Variants in POT1 observed in about 807,000 individuals in gnomAD.
POT1 encodes the protein protection of telomeres 1.
POT1 carries 47 observed loss-of-function variants against 78.5 expected under a neutral mutation model. The observed-to-expected ratio is 0.60, with a 90% CI of 0.47 to 0.76. The LOEUF is 0.76. POT1 is among the 30% of genes least tolerant of loss of function. The pLI is 0.00. For missense variants in POT1, 646 were observed against 749.9 expected (o/e 0.86, Z 1.62); for synonymous variants, 259 against 260.7 (o/e 0.99, Z 0.06).
chr7:124,835,277 A>G lies in POT1; in HGVS notation c.1505+2T>C. On this transcript the variant is annotated splice_donor_variant, in intron 15 of 18. Transcript: ENST00000357628. LOFTEE classifies it high-confidence loss of function. ...AAAACAAAACAAAACAAAACAAAATACCCATAGTGATGTATTGTTCCTTGT... is the reference window on the plus strand; with the variant it reads ...AAAACAAAACAAAACAAAACAAAATGCCCATAGTGATGTATTGTTCCTTGT... 2 of 1,612,784 alleles carry G rather than the reference A, an allele frequency of 1.2e-6. No homozygotes were observed. The highest frequency in any genetic ancestry group is 1.7e-6 in the Non-Finnish European group (2 of 1,179,458).
chr7:124,841,226 G>C (rs751799131), intron 13 of POT1, 48 bp from the exon 14 acceptor site: 2 of 1,430,166 alleles, frequency 1.4e-6, no homozygotes, highest in Non-Finnish European at 1.9e-6. Flanking sequence ...TGGTGTAAGC[G>C]TGAAGATTTC....
chr7:124,868,221 G>C (rs1036080090), intron 7 of POT1, among the ~76,000 whole-genome samples: 1 of 152,062 alleles, frequency 6.6e-6, no homozygotes, highest in Non-Finnish European at 1.5e-5. Context: ...AAGACAACAG[G>C]GCGATTCAAA....
At chr7:124,878,154 A>T (rs1461917181) in intron 6 of POT1, among the ~76,000 whole-genome samples, 1 of 152,016 alleles carries the variant, frequency 6.6e-6, no homozygotes, top group Non-Finnish European at 1.5e-5. Flanking sequence ...AACATGGCGA[A>T]ATCTCATCTC....
Position 124,829,314 on chromosome 7 carries a change from T to C in POT1, c.1534A>G (p.Ile512Val), listed in dbSNP as rs1179111946. Residue 512 changes from isoleucine (I) to valine (V), a missense_variant, in exon 16 of 19, where the codon ATA becomes GTA. Physicochemically the swap from Ile to Val is conservative, Grantham distance 29. This residue lies in a region of POT1 where 394 missense variants were observed against 408.4 expected (regional missense o/e 0.96). Coordinates refer to ENST00000357628, the MANE Select transcript of POT1 (RefSeq NM_015450.3). ...GCKQCSSLRSIQNLNSLVDKT... is the reference protein window; with the variant it reads ...GCKQCSSLRSVQNLNSLVDKT... ...TCAACCAGGGAATTTAGATTTTGTA[T>C]GGATCTCAAACTAGAACACTGTTTA... is the stretch of plus-strand genomic sequence containing the variant. 2 of 1,599,342 alleles carry C rather than the reference T, an allele frequency of 1.3e-6. No homozygotes were observed. The highest frequency in any genetic ancestry group is 1.1e-5 in the South Asian group (1 of 90,670).
intron 3 of POT1, among the ~76,000 whole-genome samples, chr7:124,911,064 T>C (rs1397738874): frequency 2.6e-5 from 4 of 152,226 alleles, no homozygotes; most frequent in East Asian, 1.9e-4. Flanking sequence ...CTGACATTTA[T>C]TTAACATTCA....
Position 124,825,262 on chromosome 7 carries a change from T to A in POT1, c.1782A>T (p.Gly594=), listed in dbSNP as rs751661236. The stretch of plus-strand genomic sequence containing the variant: ...AATATTCTTGCCTACCAATTTTTAT[T>A]CCTGGAGGACAAAACATATCCATGA... ...DMIMDMFCPP[G]IKIDAYPWLE... is the part of the protein sequence containing the mutation. Residue 594 remains glycine (G), a synonymous_variant, in exon 18 of 19, where the codon GGA becomes GGT. Transcript: ENST00000357628. 1 of 1,605,044 alleles carries A rather than the reference T, an allele frequency of 6.2e-7. No individual in the cohort carries two copies. Among genetic ancestry groups the A allele is most frequent in the Non-Finnish European group, 8.5e-7 (1 of 1,175,074 alleles).
Position 124,826,900 on chromosome 7 carries a change from A to AAAC in POT1, c.1686+313_1686+314insGTT, listed in dbSNP as rs543839030. 2.4e-3 allele frequency among the ~76,000 whole-genome samples: 359 copies of AAAC among 148,188 alleles called. 2 individuals are homozygous for AAAC. The highest frequency in any genetic ancestry group is 8.3e-3 in the African/African-American group (341 of 40,890). On this transcript the variant is annotated intron_variant, in intron 17 of 18. Coordinates refer to ENST00000357628, the MANE Select transcript of POT1 (RefSeq NM_015450.3). Reference sequence around the variant, plus strand: ...CAAACAAACAAACAAACAAACAAACAAAAGTACGATAAAATGTTGACTACA... The same window carrying AAAC: ...CAAACAAACAAACAAACAAACAAACAAACAAAGTACGATAAAATGTTGACTACA...
rs34398311 is a variant in POT1 at position 124,851,897 on chromosome 7, T to C, written c.924A>G (p.Gln308=). ...TANQHSDVIC[Q]SEPDDSFPSS... is the part of the protein sequence containing the mutation. ...TTGGAAAGCTGTCGTCAGGTTCTGA[T>C]TGACAGATAACATCTGAATGCTGAT... Residue 308 remains glutamine, a synonymous_variant, in exon 11 of 19, where the codon CAA becomes CAG. Transcript: ENST00000357628. 3,738 of 1,610,996 alleles carry C rather than the reference T, an allele frequency of 2.3e-3. 138 individuals carry two copies. In the East Asian group the frequency reaches 0.07, roughly 30 times the overall value.
At chr7:124,921,536 C>T (rs562794918) in intron 2 of POT1, among the ~76,000 whole-genome samples, 5 of 149,136 alleles carry the variant, frequency 3.4e-5, no homozygotes, top group South Asian at 2.1e-4. Flanking sequence ...AACGTCTATA[C>T]GAAGAATATA....
chr7:124,863,709 C>T, intron 7 of POT1, 69 bp from the exon 8 acceptor site: 1 of 1,189,352 alleles, frequency 8.4e-7, no homozygotes, highest in Non-Finnish European at 1.2e-6. Flanking sequence ...ACCTACGAAC[C>T]AAAGAAACTG....
At chr7:124,884,742 T>C (rs1214609629) in intron 6 of POT1, among the ~76,000 whole-genome samples, 2 of 152,196 alleles carry the variant, frequency 1.3e-5, no homozygotes, top group Non-Finnish European at 2.9e-5. Context: ...CCCTCTATTT[T>C]TCCTATTTGC....
At chr7:124,890,549 G>A (rs1184835276) in intron 6 of POT1, among the ~76,000 whole-genome samples, 1 of 151,804 alleles carries the variant, frequency 6.6e-6, no homozygotes, top group Non-Finnish European at 1.5e-5. Context: ...AGAGTCAATT[G>A]ATATGAGAAA....
At chr7:124,914,121 C>T (rs1228678945) in intron 3 of POT1, among the ~76,000 whole-genome samples, 2 of 128,454 alleles carry the variant, frequency 1.6e-5, no homozygotes, top group Admixed American at 9.3e-5. Flanking sequence ...GGTGACAGAA[C>T]GAGACTCTGT....
chr7:124,905,577 C>T (rs1199281960), intron 3 of POT1, among the ~76,000 whole-genome samples: 1 of 151,538 alleles, frequency 6.6e-6, no homozygotes, highest in South Asian at 2.1e-4. Flanking sequence ...CAGGCATGGG[C>T]AAGAACTTCA....
intron 15 of POT1, among the ~76,000 whole-genome samples, chr7:124,832,821 CAAA>C (rs36025106): frequency 9.6e-5 from 11 of 114,164 alleles, no homozygotes; most frequent in Admixed American, 1.8e-4. Flanking sequence ...GACTTCATCT[CAAA>C]AAAAAAAAAA....
At chr7:124,842,485 A>G (rs1197027836) in intron 13 of POT1, among the ~76,000 whole-genome samples, 3 of 152,158 alleles carry the variant, frequency 2.0e-5, no homozygotes, top group Non-Finnish European at 2.9e-5. Context: ...CAAAAATTTC[A>G]GTTAATAAAG....
intron 9 of POT1, among the ~76,000 whole-genome samples, chr7:124,855,218 C>CAAAAAAAAAAAAAAAAAAAAAAAAAAAAA (rs550056711): frequency 1.9e-5 from 1 of 52,492 alleles, no homozygotes; most frequent in African/African-American, 7.9e-5. Context: ...GAGAGGAGAG[C>CAAAAAAAAAAAAAAAAAAAAAAAAAAAAA]AAAAAAAAAA....
intron 15 of POT1, among the ~76,000 whole-genome samples, chr7:124,832,938 G>A (rs995338138): frequency 3.3e-5 from 5 of 151,958 alleles, no homozygotes; most frequent in African/African-American, 7.2e-5. Context: ...TGGTTTAGAC[G>A]CGTCACGGTG....
intron 14 of POT1, chr7:124,840,634 C>T (rs1040708887): frequency 1.9e-5 from 3 of 160,536 alleles, no homozygotes; most frequent in Non-Finnish European, 4.1e-5. Flanking sequence ...CATCCAGAGG[C>T]CAAGAAAACA....
Sources: gnomAD v4.1 joint callset for allele counts (sites outside exome capture counted in the v4.1 genomes callset) on GRCh38, gnomAD v4.1.1 for gene constraint, gnomAD v4.1.1 regional missense constraint, MANE v1.5 for transcripts, NCBI Gene and HGNC (gene_info 2026-07-23, HGNC 2026-07-21) for gene names.